Variants in ZFPM2 observed in about 807,000 individuals in gnomAD.
ZFPM2 encodes the protein zinc finger protein, FOG family member 2.
In ZFPM2, 20 loss-of-function variants were observed where a neutral mutation model predicts 98.6. The observed-to-expected ratio is 0.20, with a 90% confidence interval of 0.14 to 0.29. The LOEUF (loss-of-function observed/expected upper bound fraction) is 0.29. ZFPM2 is among the 10% of genes least tolerant of loss of function. The probability of loss-of-function intolerance (pLI) is 1.00; values close to 1 mark genes in which losing one functional copy is unlikely to be tolerated. For missense variants in ZFPM2, 1,310 were observed against 1,388.6 expected, an observed-to-expected ratio of 0.94 and a Z score of 0.90; for synonymous variants, 518 against 502.7, an observed-to-expected ratio of 1.03 and a Z score of -0.41.
intron 1 of ZFPM2, among the ~76,000 whole-genome samples, chr8:105,408,212 C>T (rs1811501262): frequency 6.6e-6 from 1 of 151,910 alleles, no homozygotes; most frequent in Admixed American, 6.6e-5. Flanking sequence ...AAGTGTTCTT[C>T]TTAAAATTAT....
At position 105,771,633 on chromosome 8, in the gene ZFPM2, A is replaced by C. The variant is rs566175072; in HGVS notation, c.533-17085A>C. Among the ~76,000 whole-genome samples, 5 of 152,186 alleles carry C rather than the reference A, an allele frequency of 3.3e-5. No homozygotes were observed. In the South Asian group the frequency reaches 1.0e-3, roughly 32 times the overall value. On this transcript the variant is annotated intron_variant, in intron 5 of 7. Coordinates refer to ENST00000407775, the MANE Select transcript of ZFPM2 (RefSeq NM_012082.4). The stretch of plus-strand genomic sequence containing the variant: ...CTGGTTTTATCATCACACGAGCAAA[A>C]ATTTGAGATTTTGCCGTTCATTCCC...
At position 105,517,151 on chromosome 8, in the gene ZFPM2, C is replaced by G. The variant is rs974491852; in HGVS notation, c.302-44212C>G. ...TGGAATAGAGGACTTAAGCTTGTTC[C>G]GATATTTTCAGTAAACGGAAGTAGG... On this transcript the variant is annotated intron_variant, in intron 3 of 7. Coordinates refer to ENST00000407775, the MANE Select transcript of ZFPM2 (RefSeq NM_012082.4). Among the ~76,000 whole-genome samples the G allele has an allele frequency of 2.6e-5, 4 of 152,090 alleles. No individual in the cohort carries two copies. In the South Asian group the frequency reaches 6.2e-4, roughly 24 times the overall value.
chr8:105,382,563 G>A (rs546431237), intron 1 of ZFPM2, among the ~76,000 whole-genome samples: 19 of 152,074 alleles, frequency 1.2e-4, no homozygotes, highest in African/African-American at 3.4e-4. Context: ...TGGTATAAGC[G>A]TTTGCATATA....
At chr8:105,778,489 C>CGT (rs10650495) in intron 5 of ZFPM2, among the ~76,000 whole-genome samples, 12,927 of 148,016 alleles carry the variant, frequency 0.087, 1,744 homozygotes, top group African/African-American at 0.29. Context: ...TGAGTGCATG[C>CGT]GTGTGTGTGT....
chr8:105,574,261 A>G (rs988048672), intron 4 of ZFPM2, among the ~76,000 whole-genome samples: 4 of 152,214 alleles, frequency 2.6e-5, no homozygotes, highest in African/African-American at 9.6e-5. Context: ...AGATAAGTAA[A>G]CGGTATGGAC....
chr8:105,548,595 G>A (rs1355686946), intron 3 of ZFPM2, among the ~76,000 whole-genome samples: 1 of 151,974 alleles, frequency 6.6e-6, no homozygotes. Context: ...TAACAAATGT[G>A]TTAAAATGCT....
chr8:105,458,422 T>A (rs536991516), intron 3 of ZFPM2, among the ~76,000 whole-genome samples: 20 of 148,928 alleles, frequency 1.3e-4, no homozygotes, highest in South Asian at 8.5e-4. Context: ...GAATGAAATT[T>A]AAAAAAAAAA....
chr8:105,726,017 A>G (rs1811799957), intron 5 of ZFPM2, among the ~76,000 whole-genome samples: 1 of 151,680 alleles, frequency 6.6e-6, no homozygotes, highest in Admixed American at 6.6e-5. Context: ...CTATAGGAAA[A>G]CGATGAGTAA....
Position 105,744,454 on chromosome 8 carries a change from T to C in ZFPM2, c.533-44264T>C, listed in dbSNP as rs1812296858. The stretch of plus-strand genomic sequence containing the variant: ...ACTAGATGCTGAGAAAGTCATGGGA[T>C]CCAAAATAGAATTAAATCCCTGTTG... On this transcript the variant is annotated intron_variant, in intron 5 of 7. Coordinates refer to ENST00000407775, the MANE Select transcript of ZFPM2 (RefSeq NM_012082.4). Among the ~76,000 whole-genome samples the C allele has an allele frequency of 2.0e-5, 3 of 152,188 alleles. No individual in the cohort carries two copies. The South Asian group carries it at 6.2e-4, about 32-fold the overall frequency.
intron 5 of ZFPM2, among the ~76,000 whole-genome samples, chr8:105,702,000 A>G (rs1490706803): frequency 6.6e-6 from 1 of 152,178 alleles, no homozygotes; most frequent in East Asian, 1.9e-4. Flanking sequence ...ACATAATTAA[A>G]ACATCTTGGA....
rs531285852 is a variant in ZFPM2, at chr8:105,634,389, G to T, written c.532+32G>T. The T allele has an allele frequency of 1.9e-6, 3 of 1,555,732 alleles. No homozygotes were observed. In the African/African-American group the frequency reaches 4.1e-5, roughly 21 times the overall value. On this transcript the variant is annotated intron_variant, in intron 5 of 7. Coordinates refer to ENST00000407775, the MANE Select transcript of ZFPM2 (RefSeq NM_012082.4). Reference sequence around the variant, plus strand: ...GCAAGATTGTTTCCCTCTCTCTTTGGAAGTATTAAAACCTGAGCATTGCAA... The same window carrying T: ...GCAAGATTGTTTCCCTCTCTCTTTGTAAGTATTAAAACCTGAGCATTGCAA...
chr8:105,437,713 G>A (rs1586371521), intron 2 of ZFPM2, among the ~76,000 whole-genome samples: 1 of 152,144 alleles, frequency 6.6e-6, no homozygotes, highest in South Asian at 2.1e-4. Context: ...TTTCCTATGG[G>A]ACTCTTTGGG....
intron 5 of ZFPM2, among the ~76,000 whole-genome samples, chr8:105,672,611 C>T (rs1268583868): frequency 1.3e-5 from 2 of 151,990 alleles, no homozygotes; most frequent in African/African-American, 2.4e-5. Context: ...ACTTTTTGAT[C>T]ATCTTTCTCA....
intron 1 of ZFPM2, among the ~76,000 whole-genome samples, chr8:105,417,420 G>T (rs777370574): frequency 6.6e-6 from 1 of 151,868 alleles, no homozygotes; most frequent in Non-Finnish European, 1.5e-5. Flanking sequence ...AATAGAAAGT[G>T]CTTTGAAACT....
At position 105,523,406 on chromosome 8, in the gene ZFPM2, C is replaced by T. The variant is rs188493299; in HGVS notation, c.302-37957C>T. Among the ~76,000 whole-genome samples the T allele has an allele frequency of 1.3e-4, 20 of 152,308 alleles. No homozygotes were observed. The East Asian group carries it at 3.5e-3, about 26-fold the overall frequency. On this transcript the variant is annotated intron_variant, in intron 3 of 7. Transcript: ENST00000407775. ...ATTTCCAAACCACTAGCTGGTCTTCCATACTGTGTTAGCAATTCTGCAGCC... is the reference window on the plus strand; with the variant it reads ...ATTTCCAAACCACTAGCTGGTCTTCTATACTGTGTTAGCAATTCTGCAGCC...
chr8:105,702,675 G>C (rs1317921798), intron 5 of ZFPM2, among the ~76,000 whole-genome samples: 1 of 152,200 alleles, frequency 6.6e-6, no homozygotes. Context: ...CCCAAAAGGG[G>C]ACACGTGTAT....
chr8:105,727,763 A>G (rs1306648559), intron 5 of ZFPM2, among the ~76,000 whole-genome samples: 1 of 151,684 alleles, frequency 6.6e-6, no homozygotes, highest in African/African-American at 2.4e-5. Context: ...AAATATAAAT[A>G]TGCCAACCAT....
intron 2 of ZFPM2, among the ~76,000 whole-genome samples, chr8:105,435,313 T>G (rs1674613884): frequency 6.6e-6 from 1 of 152,226 alleles, no homozygotes; most frequent in African/African-American, 2.4e-5. Flanking sequence ...TGTTACTGCT[T>G]GACATTTATT....
chr8:105,670,278 C>T (rs1479311018), intron 5 of ZFPM2, among the ~76,000 whole-genome samples: 2 of 151,920 alleles, frequency 1.3e-5, no homozygotes, highest in African/African-American at 4.8e-5. Flanking sequence ...GGGCGGGTCA[C>T]AAGGTCACGA....
Sources: gnomAD v4.1 joint callset for allele counts (sites outside exome capture counted in the v4.1 genomes callset) on GRCh38, gnomAD v4.1.1 for gene constraint, MANE v1.5 for transcripts, NCBI Gene and HGNC (gene_info 2026-07-23, HGNC 2026-07-21) for gene names.